Variants in SLC22A24 observed in about 807,000 individuals in gnomAD.
The protein encoded by SLC22A24 is solute carrier family 22 member 24, also known as steroid transmembrane transporter SLC22A24.
In SLC22A24, 53 loss-of-function variants were observed where a neutral mutation model predicts 49.8. That is an observed-to-expected ratio of 1.06 (90% CI 0.85 to 1.34). The LOEUF (loss-of-function observed/expected upper bound fraction) is 1.34. Ranked by LOEUF, SLC22A24 falls within the 40% of genes most tolerant of loss-of-function variation. The pLI is 0.00. For synonymous variants in SLC22A24, 302 were observed against 256.4 expected (o/e 1.18, Z -1.70); for missense variants, 786 against 675.9 (o/e 1.16, Z -1.81).
rs2087433383 is a variant in SLC22A24 at position 63,143,749 on chromosome 11, C to T, written c.31G>A (p.Gly11Ser). 6.8e-7 allele frequency: 1 copy of T among 1,465,922 alleles called. No homozygotes were observed. Among genetic ancestry groups the T allele is most frequent in the South Asian group, 1.5e-5 (1 of 67,070 alleles). 90.8% of individuals were successfully genotyped at this position (1,465,922 alleles called of 1,614,324 possible). The change falls in exon 1 of 10, where the codon GGT becomes AGT. Residue 11 changes from glycine (G) to serine (S), a missense_variant. Transcript: ENST00000612278. ...CAAATCTGGAATCTCCCCATGCCACCCACTTGATCCAGGAGCACATCAAAG... is the reference window on the plus strand; with the variant it reads ...CAAATCTGGAATCTCCCCATGCCACTCACTTGATCCAGGAGCACATCAAAG... MGFDVLLDQV[G>S]GMGRFQICLI...
chr11:63,105,517 C>A (rs1265704570), intron 4 of SLC22A24, among the ~76,000 whole-genome samples: 1 of 152,180 alleles, frequency 6.6e-6, no homozygotes, highest in African/African-American at 2.4e-5. Flanking sequence ...CCTGCAGGCT[C>A]AATACCACGT....
chr11:63,103,206 T>C (rs1461946140), intron 5 of SLC22A24, among the ~76,000 whole-genome samples: 1 of 152,196 alleles, frequency 6.6e-6, no homozygotes, highest in Non-Finnish European at 1.5e-5. Context: ...GCATTTGCTC[T>C]CTTTCAGGAC....
At chr11:63,104,900 C>T (rs1041666714) in intron 4 of SLC22A24, among the ~76,000 whole-genome samples, 6 of 152,186 alleles carry the variant, frequency 3.9e-5, no homozygotes, top group Admixed American at 2.6e-4. Flanking sequence ...CTCAAAAGTC[C>T]ACAGTCCAAA....
At chr11:63,141,283 G>T (rs965332071) in intron 1 of SLC22A24, among the ~76,000 whole-genome samples, 3 of 152,164 alleles carry the variant, frequency 2.0e-5, no homozygotes, top group Non-Finnish European at 4.4e-5. Context: ...AATGTTAAAA[G>T]ATAATGAAAG....
intron 5 of SLC22A24, among the ~76,000 whole-genome samples, chr11:63,099,690 G>A (rs534780582): frequency 6.6e-6 from 1 of 152,080 alleles, no homozygotes; most frequent in South Asian, 2.1e-4. Context: ...ATACTAGCAA[G>A]CCAATTTCAA....
intron 1 of SLC22A24, among the ~76,000 whole-genome samples, chr11:63,135,069 A>T (rs909041673): frequency 1.3e-5 from 2 of 152,234 alleles, no homozygotes; most frequent in African/African-American, 4.8e-5. Flanking sequence ...CCTTTAATGC[A>T]TTACCTTATA....
intron 1 of SLC22A24, among the ~76,000 whole-genome samples, chr11:63,140,430 A>T (rs1318647344): frequency 1.3e-5 from 2 of 152,162 alleles, no homozygotes; most frequent in East Asian, 3.8e-4. Flanking sequence ...TTGAAAATAT[A>T]GACATTTGGT....
intron 4 of SLC22A24, among the ~76,000 whole-genome samples, chr11:63,114,627 A>G (rs2087198898): frequency 6.6e-6 from 1 of 152,118 alleles, no homozygotes; most frequent in Non-Finnish European, 1.5e-5. Context: ...CCTTTGGAGG[A>G]GAAGAGGCAC....
chr11:63,085,458 A>C (rs868836831), intron 6 of SLC22A24, among the ~76,000 whole-genome samples: 1 of 152,220 alleles, frequency 6.6e-6, no homozygotes, highest in South Asian at 2.1e-4. Flanking sequence ...TACATTAAAA[A>C]ATATAAACAG....
intron 6 of SLC22A24, among the ~76,000 whole-genome samples, chr11:63,090,080 CAAAAAAA>C (rs60285946): frequency 7.7e-5 from 5 of 64,692 alleles, no homozygotes; most frequent in Non-Finnish European, 5.3e-5. Flanking sequence ...GACTCTGTCT[CAAAAAAA>C]AAAAAAAAAA....
At chr11:63,097,453 A>C (rs1565326370) in intron 5 of SLC22A24, among the ~76,000 whole-genome samples, 1 of 152,216 alleles carries the variant, frequency 6.6e-6, no homozygotes, top group Non-Finnish European at 1.5e-5. Context: ...GTGGAGAAAT[A>C]GGAATGCTTT....
chr11:63,115,902 T>C (rs2087209535), intron 4 of SLC22A24: 2 of 292,128 alleles, frequency 6.8e-6, no homozygotes, highest in Non-Finnish European at 6.5e-6. Flanking sequence ...TGTAGGGGCT[T>C]GGGCACCTTT....
At chr11:63,116,174 CT>C in intron 4 of SLC22A24, 1 of 399,320 alleles carries the variant, frequency 2.5e-6, no homozygotes, top group Non-Finnish European at 4.4e-6. Flanking sequence ...CCTGCATCTT[CT>C]TTAGGCCCTT....
At chr11:63,085,375 T>A (rs2086981512) in intron 6 of SLC22A24, among the ~76,000 whole-genome samples, 1 of 152,142 alleles carries the variant, frequency 6.6e-6, no homozygotes, top group African/African-American at 2.4e-5. Flanking sequence ...TTGTCTTTCT[T>A]AATGTGGGTA....
intron 5 of SLC22A24, 150 bp downstream of exon 5, chr11:63,104,025 A>G: frequency 1.5e-6 from 1 of 647,272 alleles, no homozygotes; most frequent in Admixed American, 3.5e-5. Context: ...AATCTTTGAC[A>G]GGAGGAAAGA....
chr11:63,119,809 A>G (rs2087238613), intron 2 of SLC22A24, among the ~76,000 whole-genome samples: 1 of 152,206 alleles, frequency 6.6e-6, no homozygotes, highest in Admixed American at 6.5e-5. Flanking sequence ...GATAGGCTGC[A>G]TAACAATCAC....
intron 6 of SLC22A24, among the ~76,000 whole-genome samples, chr11:63,090,135 G>A (rs2087011242): frequency 6.8e-6 from 1 of 147,262 alleles, no homozygotes; most frequent in South Asian, 2.2e-4. Context: ...TAATGGTAAA[G>A]GGATCAATGC....
chr11:63,115,539 G>A (rs1037680109), intron 4 of SLC22A24, among the ~76,000 whole-genome samples: 7 of 152,076 alleles, frequency 4.6e-5, no homozygotes, highest in Admixed American at 2.6e-4. Context: ...GCAACACTGC[G>A]CCCTGCTTCA....
chr11:63,134,837 C>A, intron 1 of SLC22A24, 69 bp from the exon 2 acceptor site: 2 of 1,036,966 alleles, frequency 1.9e-6, no homozygotes, highest in Non-Finnish European at 2.9e-6. Context: ...AAACTGACTC[C>A]AAACTCCTAC....
Sources: allele counts gnomAD v4.1 joint callset (sites outside exome capture counted in the v4.1 genomes callset), GRCh38; gene constraint gnomAD v4.1.1; transcripts MANE v1.5; gene names NCBI Gene and HGNC (gene_info 2026-07-23, HGNC 2026-07-21).